Variants in CPNE4 observed in about 807,000 individuals in gnomAD.
The protein encoded by CPNE4 is copine-4.
A neutral mutation model predicts 67.9 loss-of-function variants in CPNE4; 25 were observed. The observed-to-expected ratio is 0.37, with a 90% CI of 0.27 to 0.51. The LOEUF (loss-of-function observed/expected upper bound fraction) is 0.51, where lower values mean the gene tolerates loss of function less well. Ranked by LOEUF, CPNE4 falls within the 20% of genes least tolerant of loss-of-function variation. The pLI is 0.93. For missense variants in CPNE4, 464 were observed against 690.8 expected (o/e 0.67, Z 3.68); for synonymous variants, 242 against 244.9 (o/e 0.99, Z 0.11).
intron 7 of CPNE4, among the ~76,000 whole-genome samples, chr3:131,589,355 G>A (rs902359876): frequency 2.0e-5 from 3 of 152,230 alleles, no homozygotes; most frequent in African/African-American, 7.2e-5. Flanking sequence ...GGCAGAAAGA[G>A]TGGAAGGAAG....
chr3:131,695,838 A>C lies in CPNE4; in HGVS notation c.507+704T>G, dbSNP rs1033623394. ...ATTTCCTGATGTCCCCAGGTAGAATAAGTTGGCCTTACCAGGACACACTAT... is the reference window on the plus strand; with the variant it reads ...ATTTCCTGATGTCCCCAGGTAGAATCAGTTGGCCTTACCAGGACACACTAT... On this transcript the variant is annotated intron_variant, in intron 5 of 15. Transcript: ENST00000429747. Among the ~76,000 whole-genome samples, 3 of 152,242 alleles carry C rather than the reference A, an allele frequency of 2.0e-5. No individual in the cohort carries two copies. In the South Asian group the frequency reaches 6.2e-4, roughly 31 times the overall value.
At chr3:131,644,273 G>A (rs1041883398) in intron 7 of CPNE4, among the ~76,000 whole-genome samples, 20 of 151,726 alleles carry the variant, frequency 1.3e-4, no homozygotes, top group Admixed American at 5.2e-4. Flanking sequence ...TCAACCTCCC[G>A]AGTAGCTGGG....
intron 2 of CPNE4, among the ~76,000 whole-genome samples, chr3:131,849,242 G>A (rs1480909026): frequency 1.3e-5 from 2 of 152,066 alleles, no homozygotes; most frequent in African/African-American, 4.8e-5. Context: ...GAATATAGCA[G>A]AAGGGATTGT....
intron 2 of CPNE4, among the ~76,000 whole-genome samples, chr3:131,819,498 A>G (rs1424731969): frequency 1.3e-5 from 2 of 148,948 alleles, no homozygotes; most frequent in Non-Finnish European, 3.0e-5. Flanking sequence ...AGATACACAC[A>G]CACACACACA....
intron 2 of CPNE4, among the ~76,000 whole-genome samples, chr3:131,771,519 C>G (rs2107834184): frequency 1.3e-5 from 2 of 152,118 alleles, no homozygotes; most frequent in African/African-American, 4.8e-5. Context: ...CTGGCACCTC[C>G]CCTCTCCCCT....
chr3:131,608,629 A>C (rs1477566833), intron 7 of CPNE4, among the ~76,000 whole-genome samples: 2 of 152,120 alleles, frequency 1.3e-5, no homozygotes, highest in African/African-American at 2.4e-5. Flanking sequence ...TAAGGAAAGG[A>C]TACTCTAGGA....
chr3:131,558,871 G>A (rs571688227), intron 11 of CPNE4, among the ~76,000 whole-genome samples: 1 of 151,806 alleles, frequency 6.6e-6, no homozygotes, highest in East Asian at 1.9e-4. Context: ...TTTTTAAAGG[G>A]AAATCAGTAT....
intron 2 of CPNE4, among the ~76,000 whole-genome samples, chr3:131,836,592 A>C (rs777857249): frequency 4.6e-5 from 7 of 152,228 alleles, no homozygotes; most frequent in Non-Finnish European, 8.8e-5. Flanking sequence ...AAGATAGCAC[A>C]GTGCAACCAG....
intron 1 of CPNE4, among the ~76,000 whole-genome samples, chr3:132,004,215 A>G (rs1158096713): frequency 6.6e-6 from 1 of 152,152 alleles, no homozygotes; most frequent in Admixed American, 6.6e-5. Flanking sequence ...TTCTATATCT[A>G]TGTCTATATA....
chr3:131,824,836 A>G (rs2085092519), intron 2 of CPNE4, among the ~76,000 whole-genome samples: 1 of 152,056 alleles, frequency 6.6e-6, no homozygotes, highest in South Asian at 2.1e-4. Flanking sequence ...TGGAGTGGAC[A>G]GCAAATTGGG....
At chr3:131,747,055 C>T (rs1433902336) in intron 2 of CPNE4, among the ~76,000 whole-genome samples, 1 of 150,506 alleles carries the variant, frequency 6.6e-6, no homozygotes, top group Non-Finnish European at 1.5e-5. Context: ...TATCTGTTGG[C>T]CATTTGTATG....
At chr3:131,877,572 G>T (rs1414838540) in intron 2 of CPNE4, among the ~76,000 whole-genome samples, 1 of 152,102 alleles carries the variant, frequency 6.6e-6, no homozygotes, top group East Asian at 1.9e-4. Context: ...TAATAAAAAT[G>T]AGTCAAGAAT....
chr3:132,007,497 G>T (rs2073640916), intron 1 of CPNE4, among the ~76,000 whole-genome samples: 1 of 152,174 alleles, frequency 6.6e-6, no homozygotes, highest in African/African-American at 2.4e-5. Context: ...AGTATTAAAT[G>T]AGACGTGTGT....
At chr3:131,647,755 T>C (rs1358160785) in intron 7 of CPNE4, among the ~76,000 whole-genome samples, 1 of 152,152 alleles carries the variant, frequency 6.6e-6, no homozygotes, top group African/African-American at 2.4e-5. Context: ...AAATAGAAAC[T>C]GGAGAGGAAT....
At chr3:131,653,157 T>TC (rs1391984775) in intron 7 of CPNE4, among the ~76,000 whole-genome samples, 2 of 146,860 alleles carry the variant, frequency 1.4e-5, no homozygotes, top group Non-Finnish European at 1.5e-5. Flanking sequence ...TTTTTTTTTT[T>TC]TTTTTTTTTG....
chr3:131,936,236 C>T (rs988190174), intron 1 of CPNE4, among the ~76,000 whole-genome samples: 1 of 151,834 alleles, frequency 6.6e-6, no homozygotes, highest in African/African-American at 2.4e-5. Context: ...TCAGAGCAAG[C>T]AGAAGCTGTC....
chr3:131,669,798 G>C, intron 6 of CPNE4, 34 bp from the exon 7 acceptor site: 1 of 1,492,392 alleles, frequency 6.7e-7, no homozygotes, highest in East Asian at 2.3e-5. Flanking sequence ...GTGAGTGGGG[G>C]AGAAATGCTT....
intron 1 of CPNE4, among the ~76,000 whole-genome samples, chr3:131,978,671 T>A (rs2072820424): frequency 4.1e-5 from 6 of 146,748 alleles, no homozygotes; most frequent in Non-Finnish European, 8.9e-5. Context: ...ACCTTTTGTA[T>A]TTTTTTGTTT....
At chr3:131,827,758 A>T (rs2085220895) in intron 2 of CPNE4, among the ~76,000 whole-genome samples, 1 of 152,046 alleles carries the variant, frequency 6.6e-6, no homozygotes, top group Admixed American at 6.5e-5. Flanking sequence ...GAAACAAATG[A>T]AAAACTAATA....
Sources: allele counts gnomAD v4.1 joint callset (sites outside exome capture counted in the v4.1 genomes callset), GRCh38; gene constraint gnomAD v4.1.1; transcripts MANE v1.5; gene names NCBI Gene and HGNC (gene_info 2026-07-23, HGNC 2026-07-21).